The following SLC25A26 variants were observed in gnomAD, a reference collection of about 807,000 sequenced individuals.
SLC25A26 encodes solute carrier family 25 member 26.
A neutral mutation model predicts 37.8 loss-of-function variants in SLC25A26; 36 were observed. The observed-to-expected ratio is 0.95, with a 90% CI of 0.73 to 1.26. The LOEUF is 1.26. Among genes scored for constraint, SLC25A26 ranks in the 50% most tolerant of loss-of-function variants. The pLI, the probability that SLC25A26 is intolerant of heterozygous loss-of-function variation, is 0.00. For synonymous variants in SLC25A26, 129 were observed against 122.5 expected, an observed-to-expected ratio of 1.05 and a Z score of -0.35; for missense variants, 390 against 331.1, an observed-to-expected ratio of 1.18 and a Z score of -1.38.
At chr3:66,335,563 G>C (rs929697069) in intron 5 of SLC25A26, among the ~76,000 whole-genome samples, 8 of 152,126 alleles carry the variant, frequency 5.3e-5, no homozygotes, top group Admixed American at 2.6e-4. Context: ...CAAGACCCGG[G>C]TTCTCCCCTA....
chr3:66,355,639 A>G (rs554116467), intron 6 of SLC25A26, among the ~76,000 whole-genome samples: 1 of 152,348 alleles, frequency 6.6e-6, no homozygotes, highest in South Asian at 2.1e-4. Context: ...TCTTTTGTAG[A>G]CATAGTAGTA....
chr3:66,295,375 C>T (rs1253849053), intron 5 of SLC25A26, among the ~76,000 whole-genome samples: 4 of 151,674 alleles, frequency 2.6e-5, no homozygotes. Context: ...AGGCGCATGC[C>T]ACCATACCTG....
intron 1 of SLC25A26, among the ~76,000 whole-genome samples, chr3:66,208,942 A>G (rs1171152993): frequency 8.8e-5 from 11 of 124,424 alleles, no homozygotes; most frequent in African/African-American, 3.3e-4. Flanking sequence ...ACATATATAT[A>G]CATTTATATA....
intron 5 of SLC25A26, among the ~76,000 whole-genome samples, chr3:66,342,955 T>TA (rs1156824309): frequency 3.3e-5 from 5 of 152,198 alleles, no homozygotes; most frequent in African/African-American, 1.2e-4. Context: ...TTTTGTAACT[T>TA]TAGGTGCAAT....
At chr3:66,314,173 G>A (rs2107614685) in intron 5 of SLC25A26, among the ~76,000 whole-genome samples, 1 of 152,286 alleles carries the variant, frequency 6.6e-6, no homozygotes, top group Non-Finnish European at 1.5e-5. Flanking sequence ...GGAGTGGTGA[G>A]CGAGGGCATC....
chr3:66,263,350 C>A lies in SLC25A26; in HGVS notation c.424C>A (p.Arg142=). Residue 142 remains arginine, a synonymous_variant, in exon 5 of 10, where the codon CGA becomes AGA. Transcript: ENST00000354883. ...GTTTCAGGGTATCCAAGGGTTGTAT[C>A]GAGGCTATAAAAGCACAGTTTTAAG... The part of the protein sequence containing the change: ...LYEEGIQGLY[R]GYKSTVLREI... 1 of 1,612,056 alleles carries A rather than the reference C, an allele frequency of 6.2e-7. No homozygotes were observed. Among genetic ancestry groups the A allele is most frequent in the Non-Finnish European group, 8.5e-7 (1 of 1,178,776 alleles).
At chr3:66,217,423 G>A (rs1447374389), upstream of SLC25A26, among the ~76,000 whole-genome samples, 11 of 151,900 alleles carry the variant, frequency 7.2e-5, no homozygotes, top group African/African-American at 1.9e-4. Context: ...AGGAAAATAC[G>A]GAATAAACCG....
chr3:66,264,839 G>A (rs1286587603), intron 5 of SLC25A26, among the ~76,000 whole-genome samples: 1 of 152,202 alleles, frequency 6.6e-6, no homozygotes. Context: ...AGTCTGGACT[G>A]GAGTCCTGGC....
In SLC25A26 at chr3:66,282,168, C is replaced by T. The variant is rs187439187; in HGVS notation, c.453+18789C>T. 6.7e-3 allele frequency among the ~76,000 whole-genome samples: 1,023 copies of T among 151,992 alleles called. 10 individuals carry two copies. Among genetic ancestry groups the T allele is most frequent in the Admixed American group, 0.01 (158 of 15,262 alleles). On this transcript the variant is annotated intron_variant, in intron 5 of 9. Coordinates refer to ENST00000354883, the MANE Select transcript of SLC25A26 (RefSeq NM_001379210.1). ...CTGGGACTACAGGCGCCTGCCACCG[C>T]GCCCGGCTAATTTTTTGTATTTTCA...
At chr3:66,357,645 T>A (rs2076606499) in intron 6 of SLC25A26, among the ~76,000 whole-genome samples, 1 of 151,986 alleles carries the variant, frequency 6.6e-6, no homozygotes, top group South Asian at 2.1e-4. Flanking sequence ...TCATTAGACC[T>A]CTGTGGCAAT....
chr3:66,287,786 T>C (rs963980828), intron 5 of SLC25A26, among the ~76,000 whole-genome samples: 2 of 152,246 alleles, frequency 1.3e-5, no homozygotes, highest in Non-Finnish European at 2.9e-5. Context: ...TACTTTGTGC[T>C]GAAATAAACC....
chr3:66,224,599 C>G lies in SLC25A26; in HGVS notation c.33+3472C>G, dbSNP rs548008767. Among the ~76,000 whole-genome samples, 4 of 152,280 alleles carry G rather than the reference C, an allele frequency of 2.6e-5. No homozygotes were observed. In the East Asian group the frequency reaches 5.8e-4, roughly 22 times the overall value. ...GGACACAGAGCCAAACCATATCATT[C>G]CACCCCTGGCCTCTCCCAAATCTCC... On this transcript the variant is annotated intron_variant, in intron 1 of 9. Coordinates refer to ENST00000354883, the MANE Select transcript of SLC25A26 (RefSeq NM_001379210.1).
chr3:66,375,990 A>G (rs886804661), intron 9 of SLC25A26, among the ~76,000 whole-genome samples: 1 of 150,910 alleles, frequency 6.6e-6, no homozygotes, highest in Non-Finnish European at 1.5e-5. Flanking sequence ...AATATTGACC[A>G]TGCTGGGACT....
rs1700305334 is a variant in SLC25A26, at chr3:66,370,741, T to G, written c.707+139T>G. On this transcript the variant is annotated intron_variant, in intron 9 of 9. Transcript: ENST00000354883. ...CTATTTATTGTGCAAAATATTATAG[T>G]TGATGTTGTATATATGAGATAACAT... The G allele has an allele frequency of 6.0e-6, 4 of 667,898 alleles. No individual in the cohort carries two copies. The South Asian group carries it at 7.6e-5, about 13-fold the overall frequency. 41.4% of individuals were successfully genotyped at this position (667,898 alleles called of 1,614,324 possible).
chr3:66,353,279 A>G (rs530994055), intron 6 of SLC25A26, among the ~76,000 whole-genome samples: 33 of 151,928 alleles, frequency 2.2e-4, no homozygotes, highest in African/African-American at 7.2e-4. Flanking sequence ...ACATTTTTCA[A>G]AGCTACAGTG....
At chr3:66,187,343 C>A (rs1311149708) in intron 1 of SLC25A26, among the ~76,000 whole-genome samples, 1 of 152,102 alleles carries the variant, frequency 6.6e-6, no homozygotes, top group Admixed American at 6.6e-5. Context: ...ACCCAGGCCT[C>A]ATCCAGAATT....
In SLC25A26 at chr3:66,240,127, G is replaced by A. The variant is rs545965768; in HGVS notation, c.191-3076G>A. Among the ~76,000 whole-genome samples the A allele has an allele frequency of 2.0e-5, 3 of 152,220 alleles. No homozygotes were observed. The South Asian group carries it at 6.2e-4, about 32-fold the overall frequency. ...GCTCTGTGATAGGCAATTTATTGCG[G>A]CCATGAACTGCTCCTGTGGAGATAA... On this transcript the variant is annotated intron_variant, in intron 2 of 9. Transcript: ENST00000354883.
intron 1 of SLC25A26, among the ~76,000 whole-genome samples, chr3:66,202,369 C>T (rs1010142531): frequency 1.4e-4 from 21 of 151,674 alleles, no homozygotes; most frequent in Non-Finnish European, 2.7e-4. Context: ...CATGGGGGTG[C>T]GGGTGCAAGG....
intron 5 of SLC25A26, among the ~76,000 whole-genome samples, chr3:66,322,796 A>G (rs1012015342): frequency 6.6e-6 from 1 of 152,196 alleles, no homozygotes; most frequent in African/African-American, 2.4e-5. Context: ...TTCATTCTAG[A>G]CTTCAATTAT....
Sources: gnomAD v4.1 joint callset for allele counts (sites outside exome capture counted in the v4.1 genomes callset) on GRCh38, gnomAD v4.1.1 for gene constraint, MANE v1.5 for transcripts, NCBI Gene and HGNC (gene_info 2026-07-23, HGNC 2026-07-21) for gene names.